ZER1: variants seen among roughly 807,000 people sequenced by gnomAD.
ZER1 encodes protein zer-1 homolog.
ZER1 carries 11 observed loss-of-function variants against 78.8 expected under a neutral mutation model. That is an observed-to-expected ratio of 0.14 (90% CI 0.09 to 0.23). The LOEUF (loss-of-function observed/expected upper bound fraction) is 0.23. Among genes scored for constraint, ZER1 ranks in the 10% least tolerant of loss-of-function variants. The probability of loss-of-function intolerance (pLI) is 1.00; values close to 1 mark genes in which losing one functional copy is unlikely to be tolerated. For missense variants in ZER1, 588 were observed against 996.9 expected, an observed-to-expected ratio of 0.59 and a Z score of 5.52; for synonymous variants, 400 against 407.0, an observed-to-expected ratio of 0.98 and a Z score of 0.21.
chr9:128,765,919 C>T (rs988138490), intron 1 of ZER1, among the ~76,000 whole-genome samples: 2 of 152,172 alleles, frequency 1.3e-5, no homozygotes, highest in African/African-American at 4.8e-5. Flanking sequence ...GTGTGCCTCA[C>T]AGCTAGGTGG....
intron 1 of ZER1, among the ~76,000 whole-genome samples, chr9:128,757,084 A>C (rs1863882470): frequency 6.6e-6 from 1 of 152,228 alleles, no homozygotes; most frequent in African/African-American, 2.4e-5. Context: ...TGATAGATAT[A>C]AATGTGAAAG....
intron 15 of ZER1, 29 bp from the exon 16 acceptor site, chr9:128,731,423 AG>A: frequency 4.8e-6 from 2 of 415,562 alleles, no homozygotes; most frequent in Non-Finnish European, 9.4e-6. Flanking sequence ...ACAGGATTGG[AG>A]GGTGGGCTTG....
chr9:128,759,855 T>A (rs1308038726), intron 1 of ZER1, among the ~76,000 whole-genome samples: 1 of 152,116 alleles, frequency 6.6e-6, no homozygotes, highest in African/African-American at 2.4e-5. Flanking sequence ...TTTCCTTATG[T>A]ATGTATTTTT....
intron 13 of ZER1, among the ~76,000 whole-genome samples, chr9:128,738,364 T>A (rs933334990): frequency 6.9e-6 from 1 of 144,506 alleles, no homozygotes; most frequent in African/African-American, 2.5e-5. Flanking sequence ...TTCTTGTTTT[T>A]TTAATTTATT....
chr9:128,738,101 G>C (rs1168155683), intron 13 of ZER1, among the ~76,000 whole-genome samples: 1 of 149,658 alleles, frequency 6.7e-6, no homozygotes, highest in Non-Finnish European at 1.5e-5. Context: ...CTGGAGTGCA[G>C]TGGCGCGATC....
Position 128,755,463 on chromosome 9 carries a change from G to A in ZER1, c.103C>T (p.Arg35Trp), listed in dbSNP as rs767096564. 54 of 1,613,890 alleles carry A rather than the reference G, an allele frequency of 3.3e-5. No homozygotes were observed. Among genetic ancestry groups the A allele is most frequent in the African/African-American group, 3.2e-4 (24 of 74,862 alleles). Residue 35 changes from arginine to tryptophan, a missense_variant, in exon 2 of 16, where the codon CGG (arginine) becomes TGG (tryptophan). Arg to Trp is a moderately radical substitution (Grantham distance 101, BLOSUM62 -3). This residue lies in a region of ZER1 where 406 missense variants were observed against 660.1 expected (regional missense o/e 0.62). Transcript: ENST00000291900. The surrounding 1 kb of genome is among the most constrained non-coding windows in gnomAD (Gnocchi z 5.6). ...GGCAAGAAGATGTCCGGATGTAGCCGCAGGGTCTCCTTGTCCAGCAGGTAG... is the reference window on the plus strand; with the variant it reads ...GGCAAGAAGATGTCCGGATGTAGCCACAGGGTCTCCTTGTCCAGCAGGTAG... ...LGYLLDKETLRLHPDIFLPSE... is the reference protein window; with the variant it reads ...LGYLLDKETLWLHPDIFLPSE...
chr9:128,756,141 T>C (rs76201606), intron 1 of ZER1, among the ~76,000 whole-genome samples: 2,909 of 152,288 alleles, frequency 0.019, 35 homozygotes, highest in Middle Eastern at 0.031. Flanking sequence ...AATGAAAACA[T>C]ATGTCCACAT....
chr9:128,764,648 C>T (rs898568557), intron 1 of ZER1, among the ~76,000 whole-genome samples: 1 of 152,112 alleles, frequency 6.6e-6, no homozygotes, highest in Non-Finnish European at 1.5e-5. Context: ...ACTGAAGGGC[C>T]CCGGGGCTAC....
At position 128,753,253 on chromosome 9, in the gene ZER1, C is replaced by G; in HGVS notation, c.657G>C (p.Gln219His). 1 of 1,599,538 alleles carries G rather than the reference C, an allele frequency of 6.3e-7. No individual in the cohort carries two copies. The change falls in exon 4 of 16, where the codon CAG (glutamine) becomes CAC (histidine). Residue 219 changes from glutamine to histidine, a missense_variant. By Grantham distance (24) the Gln-to-His change is conservative. Around this residue, in one of 3 missense-constraint regions of ZER1, gnomAD observed 406 missense variants for 660.1 expected, o/e 0.62. Coordinates refer to ENST00000291900, the MANE Select transcript of ZER1 (RefSeq NM_006336.4). This position sits in a 1 kb window ranked among gnomAD's most constrained non-coding sequence, Gnocchi z 7.5. ...IQTSDAAFLT[Q>H]WKDSLVSLVL... ...CGAGGGACACCAGGCTGTCTTTCCA[C>G]TGGGTGAGGAAGGCGGCGTCGCTCG...
In ZER1 at chr9:128,755,336, C is replaced by T; in HGVS notation, c.158+72G>A. 3.2e-6 allele frequency: 5 copies of T among 1,584,576 alleles called. No individual in the cohort carries two copies. The highest frequency in any genetic ancestry group is 3.4e-5 in the Admixed American group (2 of 59,386). ...CCATAGCTACTCCCCACATAGTGCA[C>T]ACACGGTCCCAATCTCTCTATACAC... On this transcript the variant is annotated intron_variant, in intron 2 of 15. Transcript: ENST00000291900. This position sits in a 1 kb window ranked among gnomAD's most constrained non-coding sequence, Gnocchi z 5.6.
chr9:128,759,514 G>A (rs1172428809), intron 1 of ZER1, among the ~76,000 whole-genome samples: 6 of 151,920 alleles, frequency 3.9e-5, no homozygotes, highest in South Asian at 2.1e-4. Context: ...AGAAAATGGC[G>A]GCTGGGCATG....
chr9:128,748,078 C>T (rs1300104001), intron 8 of ZER1, among the ~76,000 whole-genome samples: 9 of 152,122 alleles, frequency 5.9e-5, no homozygotes, highest in Non-Finnish European at 1.3e-4. Context: ...GAGACCCCGT[C>T]ACCACATACA....
chr9:128,770,273 G>C (rs1025780229), intron 1 of ZER1, among the ~76,000 whole-genome samples: 1 of 152,088 alleles, frequency 6.6e-6, no homozygotes, highest in Non-Finnish European at 1.5e-5. Context: ...ACAGACATGA[G>C]CCACCACGGC....
intron 13 of ZER1, among the ~76,000 whole-genome samples, chr9:128,739,399 G>A (rs1007810913): frequency 6.6e-6 from 1 of 151,764 alleles, no homozygotes. Context: ...GCTACTCTGA[G>A]GCTGAGGCAG....
chr9:128,733,930 C>G (rs1862933964), intron 14 of ZER1, among the ~76,000 whole-genome samples: 1 of 135,574 alleles, frequency 7.4e-6, no homozygotes, highest in Non-Finnish European at 1.6e-5. Flanking sequence ...GAGATCGAGA[C>G]CATCCTGGCT....
intron 7 of ZER1, 145 bp from the exon 8 acceptor site, chr9:128,750,934 G>C: frequency 7.1e-7 from 1 of 1,411,528 alleles, no homozygotes; most frequent in East Asian, 2.3e-5. Flanking sequence ...GCAGACACCA[G>C]GGTGGGGACC....
At chr9:128,734,144 A>AAAATATATATAT in intron 14 of ZER1, among the ~76,000 whole-genome samples, 7 of 14,446 alleles carry the variant, frequency 4.8e-4, no homozygotes, top group African/African-American at 1.3e-3. Flanking sequence ...AAAAAAAAAA[A>AAAATATATATAT]ATATATATAT....
intron 1 of ZER1, among the ~76,000 whole-genome samples, chr9:128,762,008 T>C (rs527731085): frequency 1.3e-5 from 2 of 152,320 alleles, no homozygotes; most frequent in East Asian, 1.9e-4. Flanking sequence ...TAGAGCAAGC[T>C]TGTCCAACCT....
intron 1 of ZER1, among the ~76,000 whole-genome samples, chr9:128,756,357 A>G (rs1423119905): frequency 6.6e-6 from 1 of 152,170 alleles, no homozygotes; most frequent in Non-Finnish European, 1.5e-5. Flanking sequence ...GAGGCAGGAG[A>G]ATGGCGGAGT....
Sources: allele counts gnomAD v4.1 joint callset (sites outside exome capture counted in the v4.1 genomes callset), GRCh38; gene constraint gnomAD v4.1.1; regional missense constraint gnomAD v4.1.1; non-coding constraint Gnocchi (gnomAD v3.1); transcripts MANE v1.5; gene names NCBI Gene and HGNC (gene_info 2026-07-23, HGNC 2026-07-21).